Variants in ITSN1 observed in about 807,000 individuals in gnomAD.
ITSN1 encodes intersectin 1.
In ITSN1, 58 loss-of-function variants were observed where a neutral mutation model predicts 239.8. The ratio of observed to expected loss-of-function variants is 0.24; its 90% confidence interval spans 0.20 to 0.30. ITSN1 has a LOEUF of 0.30. ITSN1 is among the 10% of genes least tolerant of loss of function. ITSN1 has a pLI of 1.00. For synonymous variants in ITSN1, 780 were observed against 770.8 expected (o/e 1.01, Z -0.20); for missense variants, 1,558 against 2,103.3 (o/e 0.74, Z 5.07).
intron 5 of ITSN1, among the ~76,000 whole-genome samples, chr21:33,739,945 A>G (rs2066741983): frequency 6.6e-6 from 1 of 152,212 alleles, no homozygotes; most frequent in Admixed American, 6.5e-5. Flanking sequence ...GCAAGAGGCA[A>G]TGGTGATTTA....
intron 12 of ITSN1, among the ~76,000 whole-genome samples, chr21:33,772,812 G>T (rs879725906): frequency 3.3e-5 from 5 of 152,188 alleles, no homozygotes; most frequent in African/African-American, 9.6e-5. Flanking sequence ...GAACATTAAT[G>T]TACAAGTTTT....
At chr21:33,763,216 G>GCCGC (rs1285254220) in intron 9 of ITSN1, among the ~76,000 whole-genome samples, 1 of 82,150 alleles carries the variant, frequency 1.2e-5, no homozygotes, top group East Asian at 4.0e-4. Flanking sequence ...AGTCCCCCAG[G>GCCGC]CCGCCCCCCA....
chr21:33,645,112 C>T (rs2087816263), intron 1 of ITSN1, among the ~76,000 whole-genome samples: 1 of 152,198 alleles, frequency 6.6e-6, no homozygotes. Context: ...GAATGAGCCA[C>T]CATGCTTCGT....
At chr21:33,879,353 A>G (rs889291846) in intron 34 of ITSN1, among the ~76,000 whole-genome samples, 13 of 151,998 alleles carry the variant, frequency 8.6e-5, no homozygotes, top group African/African-American at 3.1e-4. Context: ...CCTGTCTCAG[A>G]AAAAAAAGAA....
chr21:33,662,999 A>T (rs1397807328), intron 1 of ITSN1, among the ~76,000 whole-genome samples: 4 of 152,240 alleles, frequency 2.6e-5, no homozygotes, highest in Non-Finnish European at 5.9e-5. Flanking sequence ...TACCACATAA[A>T]TAATAGTATT....
At chr21:33,655,758 G>C (rs1224066887) in intron 1 of ITSN1, among the ~76,000 whole-genome samples, 1 of 151,942 alleles carries the variant, frequency 6.6e-6, no homozygotes, top group African/African-American at 2.4e-5. Flanking sequence ...AAAGTGTACT[G>C]TCGAAATACC....
chr21:33,764,073 C>G (rs1191074005), intron 9 of ITSN1, among the ~76,000 whole-genome samples: 1 of 152,132 alleles, frequency 6.6e-6, no homozygotes, highest in Non-Finnish European at 1.5e-5. Flanking sequence ...TGAACAGTAT[C>G]CTAGGGCCCC....
chr21:33,856,614 C>A, intron 29 of ITSN1, 122 bp from the exon 30 acceptor site: 1 of 1,389,992 alleles, frequency 7.2e-7, no homozygotes, highest in Non-Finnish European at 1.0e-6. Context: ...CACATTTCAG[C>A]CCATGACCCC....
intron 4 of ITSN1, among the ~76,000 whole-genome samples, chr21:33,733,011 A>G (rs996615288): frequency 3.3e-5 from 5 of 152,194 alleles, no homozygotes; most frequent in Admixed American, 6.5e-5. Context: ...CAATTCTCCA[A>G]AAATCCCCTT....
At chr21:33,676,938 TA>T (rs1555861686) in intron 1 of ITSN1, among the ~76,000 whole-genome samples, 1 of 146,134 alleles carries the variant, frequency 6.8e-6, no homozygotes, top group Non-Finnish European at 1.5e-5. Context: ...TTCTCACTCA[TA>T]GGTGGGAATT....
At chr21:33,802,539 G>T in intron 20 of ITSN1, 95 bp downstream of exon 20, 1 of 1,256,416 alleles carries the variant, frequency 8.0e-7, no homozygotes, top group Non-Finnish European at 1.2e-6. Flanking sequence ...GTATCTCTGG[G>T]TGTTGTTGCG....
At chr21:33,788,869 T>C (rs1456505822) in intron 16 of ITSN1, among the ~76,000 whole-genome samples, 2 of 152,184 alleles carry the variant, frequency 1.3e-5, no homozygotes, top group Admixed American at 6.5e-5. Context: ...GAGGATCACA[T>C]GAAGCCAGAC....
chr21:33,796,821 C>T, intron 17 of ITSN1, among the ~76,000 whole-genome samples: 1 of 152,170 alleles, frequency 6.6e-6, no homozygotes, highest in Admixed American at 6.5e-5. Context: ...TGAGAAAAAT[C>T]ATTCTCAGTC....
intron 16 of ITSN1, among the ~76,000 whole-genome samples, chr21:33,792,245 C>A (rs570596655): frequency 1.5e-4 from 23 of 152,204 alleles, no homozygotes; most frequent in African/African-American, 5.5e-4. Flanking sequence ...TGCCTTGTCA[C>A]CCAGGCTAGA....
intron 1 of ITSN1, among the ~76,000 whole-genome samples, chr21:33,677,777 A>G (rs1424922451): frequency 6.6e-6 from 1 of 152,118 alleles, no homozygotes; most frequent in African/African-American, 2.4e-5. Context: ...CTCTTCCACC[A>G]CTTTATATCT....
chr21:33,701,356 C>T (rs2092001997), intron 1 of ITSN1, among the ~76,000 whole-genome samples: 1 of 152,152 alleles, frequency 6.6e-6, no homozygotes, highest in South Asian at 2.1e-4. Context: ...TTGATCTAGA[C>T]TCAAGTGATC....
At chr21:33,812,284 A>G (rs2072967696) in intron 21 of ITSN1, among the ~76,000 whole-genome samples, 1 of 152,152 alleles carries the variant, frequency 6.6e-6, no homozygotes, top group Non-Finnish European at 1.5e-5. Flanking sequence ...ATTTTCCAGG[A>G]TTTGTTTTGC....
chr21:33,783,823 T>A (rs2070403136), intron 16 of ITSN1, among the ~76,000 whole-genome samples: 1 of 152,192 alleles, frequency 6.6e-6, no homozygotes. Flanking sequence ...TTCACATTGA[T>A]TCTTTTTCTA....
At chr21:33,755,459 T>TATTG in intron 8 of ITSN1, 62 bp downstream of exon 8, 2 of 874,386 alleles carry the variant, frequency 2.3e-6, no homozygotes, top group Non-Finnish European at 3.6e-6. Context: ...TGTTTCTAGA[T>TATTG]ATTGGGTCAT....
Sources: allele counts gnomAD v4.1 joint callset (sites outside exome capture counted in the v4.1 genomes callset), GRCh38; gene constraint gnomAD v4.1.1; transcripts MANE v1.5; gene names NCBI Gene and HGNC (gene_info 2026-07-23, HGNC 2026-07-21).